The following CCAR1 variants were observed in gnomAD, a reference collection of about 807,000 sequenced individuals.
CCAR1 encodes the protein cell division cycle and apoptosis regulator 1.
CCAR1 carries 78 observed loss-of-function variants against 163.8 expected under a neutral mutation model. The ratio of observed to expected loss-of-function variants is 0.48; its 90% CI spans 0.40 to 0.57. The LOEUF is 0.57. Ranked by LOEUF, CCAR1 falls within the 20% of genes least tolerant of loss-of-function variation. CCAR1 has a pLI of 0.00. For synonymous variants in CCAR1, 443 were observed against 460.7 expected (o/e 0.96, Z 0.49); for missense variants, 1,019 against 1,365.2 (o/e 0.75, Z 4.00).
rs148042160 is a variant in CCAR1, at chr10:68,758,483, A to G, written c.1920+1106A>G. Among the ~76,000 whole-genome samples the G allele has an allele frequency of 7.9e-3, 1,170 of 147,358 alleles. 14 individuals are homozygous for G. The highest frequency in any genetic ancestry group is 0.028 in the African/African-American group (1,112 of 39,692). ...GATGGGCAGATCGCTTGAGTCCAGG[A>G]GTTTGAGACCATCCTGGGCAGTGTG... On this transcript the variant is annotated intron_variant, in intron 15 of 24. Coordinates refer to ENST00000265872, the MANE Select transcript of CCAR1 (RefSeq NM_018237.4).
At chr10:68,736,221 A>C (rs915936541) in intron 2 of CCAR1, among the ~76,000 whole-genome samples, 2 of 152,192 alleles carry the variant, frequency 1.3e-5, no homozygotes, top group South Asian at 4.1e-4. Flanking sequence ...TATGGTATAC[A>C]TACACAATTA....
Position 68,735,109 on chromosome 10 carries a change from A to T in CCAR1, c.74-1767A>T, listed in dbSNP as rs189322677. On this transcript the variant is annotated intron_variant, in intron 2 of 24. Coordinates refer to ENST00000265872, the MANE Select transcript of CCAR1 (RefSeq NM_018237.4). ...ACACCTGTAATCCCAGTACTTTGGG[A>T]TCCCGAAGCAGGTGGATTGCTTGAG... Among the ~76,000 whole-genome samples, 416 of 152,218 alleles carry T rather than the reference A, an allele frequency of 2.7e-3. 3 individuals are homozygous for T. Among genetic ancestry groups the T allele is most frequent in the African/African-American group, 9.3e-3 (388 of 41,546 alleles).
intron 2 of CCAR1, among the ~76,000 whole-genome samples, chr10:68,723,607 G>A (rs2055893486): frequency 6.6e-6 from 1 of 151,462 alleles, no homozygotes; most frequent in African/African-American, 2.4e-5. Context: ...CCAGCACTTT[G>A]GGAGGCCAAG....
chr10:68,774,948 A>G (rs1329254660), intron 19 of CCAR1: 4 of 379,324 alleles, frequency 1.1e-5, no homozygotes, highest in Admixed American at 4.1e-5. Context: ...TTTTTTTTTT[A>G]CAGTTTGTGT....
rs530284715 is a variant in CCAR1 at position 68,754,587 on chromosome 10, CTATA to C, written c.1345-126_1345-123del. On this transcript the variant is annotated intron_variant, in intron 11 of 24. Coordinates refer to ENST00000265872, the MANE Select transcript of CCAR1 (RefSeq NM_018237.4). ...GCTGAGGTATCTAATACTGTTTCTG[CTATA>C]GTATTACTTCCTATTTTTATTTAAA... is the stretch of plus-strand genomic sequence containing the variant. 1.8e-3 allele frequency: 1,031 copies of C among 584,920 alleles called. 2 individuals carry two copies. The highest frequency in any genetic ancestry group is 1.8e-3 in the Non-Finnish European group (590 of 336,048). 36.2% of individuals were successfully genotyped at this position (584,920 alleles called of 1,614,324 possible).
intron 8 of CCAR1, among the ~76,000 whole-genome samples, chr10:68,748,146 AC>A (rs2056281976): frequency 2.0e-5 from 3 of 152,270 alleles, no homozygotes; most frequent in African/African-American, 7.2e-5. Context: ...GAGCCGCTGC[AC>A]CCGGTCCAGA....
At chr10:68,733,482 A>G (rs768536923) in intron 2 of CCAR1, among the ~76,000 whole-genome samples, 31 of 87,368 alleles carry the variant, frequency 3.5e-4, no homozygotes, top group Non-Finnish European at 6.7e-4. Context: ...GGACATTTGT[A>G]AAGTTTTCTT....
At chr10:68,734,190 C>T (rs2056078159) in intron 2 of CCAR1, among the ~76,000 whole-genome samples, 1 of 151,950 alleles carries the variant, frequency 6.6e-6, no homozygotes, top group Admixed American at 6.6e-5. Flanking sequence ...TTCATTAAAG[C>T]TCTTTATTCT....
At chr10:68,728,694 G>A (rs550676366) in intron 2 of CCAR1, among the ~76,000 whole-genome samples, 10 of 152,196 alleles carry the variant, frequency 6.6e-5, no homozygotes, top group East Asian at 3.9e-4. Context: ...AGTGGCTCTC[G>A]CCTGTAATCC....
In CCAR1 at chr10:68,765,737, C is replaced by G. The variant is rs779481108; in HGVS notation, c.2107-151C>G. 43 of 531,284 alleles carry G rather than the reference C, an allele frequency of 8.1e-5. 1 individual carries two copies. In the Middle Eastern group the frequency reaches 3.5e-3, roughly 43 times the overall value. 32.9% of individuals were successfully genotyped at this position (531,284 alleles called of 1,614,324 possible). A position where few individuals can be genotyped will look rare whatever the true frequency, so the allele number is the denominator to read the frequency against. On this transcript the variant is annotated intron_variant, in intron 16 of 24. Coordinates refer to ENST00000265872, the MANE Select transcript of CCAR1 (RefSeq NM_018237.4). Reference sequence around the variant, plus strand: ...GTGAATTTGAGCTTTCCTCCCTTCTCAACGCTTATGGTTTGTATAAGTACC... The same window carrying G: ...GTGAATTTGAGCTTTCCTCCCTTCTGAACGCTTATGGTTTGTATAAGTACC...
chr10:68,777,168 ACTT>A (rs916004472), intron 19 of CCAR1, among the ~76,000 whole-genome samples: 2 of 152,152 alleles, frequency 1.3e-5, no homozygotes, highest in Non-Finnish European at 2.9e-5. Context: ...GAATCAGTCC[ACTT>A]CTTACGAATT....
chr10:68,781,436 G>A (rs112100783), intron 19 of CCAR1, among the ~76,000 whole-genome samples: 3,596 of 152,080 alleles, frequency 0.024, 48 homozygotes, highest in Middle Eastern at 0.044. Context: ...CCAGCTACTC[G>A]GGAGGCTGAG....
chr10:68,772,284 A>G (rs1250905629), intron 18 of CCAR1, among the ~76,000 whole-genome samples: 1 of 152,018 alleles, frequency 6.6e-6, no homozygotes, highest in Non-Finnish European at 1.5e-5. Context: ...GTAGTTCAAG[A>G]CCATCCTGGA....
At chr10:68,755,238 C>A (rs2133364016) in intron 12 of CCAR1, 132 bp from the exon 13 acceptor site, 3 of 847,142 alleles carry the variant, frequency 3.5e-6, no homozygotes, top group Non-Finnish European at 6.2e-6. Flanking sequence ...GAACTGAACT[C>A]TTCCTTGACT....
chr10:68,736,077 T>C (rs983360338), intron 2 of CCAR1, among the ~76,000 whole-genome samples: 1 of 152,156 alleles, frequency 6.6e-6, no homozygotes, highest in African/African-American at 2.4e-5. Context: ...GGTCTCGAAC[T>C]CTTGACCTCA....
In CCAR1 at chr10:68,786,600, G is replaced by A. The variant is rs1320914466; in HGVS notation, c.2788G>A (p.Val930Ile). Reference sequence around the variant, plus strand: ...TAACAGAGATCTGTTAATGGCTTTTGTTTATTTTGATCAAAGTCATTGTGG... The same window carrying A: ...TAACAGAGATCTGTTAATGGCTTTTATTTATTTTGATCAAAGTCATTGTGG... ...TINRDLLMAF[V>I]YFDQSHCGYL... The change falls in exon 21 of 25, where the codon GTT (valine) becomes ATT (isoleucine). Residue 930 changes from valine (V) to isoleucine (I), a missense_variant. Val to Ile is a conservative substitution (Grantham distance 29, BLOSUM62 3). Around this residue, in one of 4 missense-constraint regions of CCAR1, gnomAD observed 358 missense variants for 406.4 expected, o/e 0.88. Transcript: ENST00000265872. The A allele has an allele frequency of 6.2e-7, 1 of 1,601,892 alleles. No individual in the cohort carries two copies. The highest frequency in any genetic ancestry group is 1.3e-5 in the African/African-American group (1 of 74,270).
At chr10:68,734,587 G>A (rs2056082768) in intron 2 of CCAR1, among the ~76,000 whole-genome samples, 1 of 151,678 alleles carries the variant, frequency 6.6e-6, no homozygotes, top group Non-Finnish European at 1.5e-5. Flanking sequence ...ACCTCTGCCC[G>A]CCCCCGGGTT....
In CCAR1 at chr10:68,774,183, T is replaced by G. The variant is rs2056635431; in HGVS notation, c.2650+1084T>G. On this transcript the variant is annotated intron_variant, in intron 19 of 24. Transcript: ENST00000265872. Reference sequence around the variant, plus strand: ...CTGGGATTACAGGCCTGAGCCACTGTGCCCGGCCTAATTTTTAAATGTTTC... The same window carrying G: ...CTGGGATTACAGGCCTGAGCCACTGGGCCCGGCCTAATTTTTAAATGTTTC... Among the ~76,000 whole-genome samples, 4 of 152,010 alleles carry G rather than the reference T, an allele frequency of 2.6e-5. No individual in the cohort carries two copies. In the South Asian group the frequency reaches 8.3e-4, roughly 32 times the overall value.
At chr10:68,722,331 T>C in intron 1 of CCAR1, 124 bp from the exon 2 acceptor site, 1 of 617,814 alleles carries the variant, frequency 1.6e-6, no homozygotes, top group Non-Finnish European at 2.9e-6. Context: ...ACTTAACAGT[T>C]GTTATTTCTG....
Sources: gnomAD v4.1 joint callset for allele counts (sites outside exome capture counted in the v4.1 genomes callset) on GRCh38, gnomAD v4.1.1 for gene constraint, gnomAD v4.1.1 regional missense constraint, MANE v1.5 for transcripts, NCBI Gene and HGNC (gene_info 2026-07-23, HGNC 2026-07-21) for gene names.